The following TRIM33 variants were observed in gnomAD, a reference collection of about 807,000 sequenced individuals.
The protein encoded by TRIM33 is E3 ubiquitin-protein ligase TRIM33.
Under a neutral mutation model 125.4 loss-of-function variants are expected in TRIM33, and 20 were observed. The ratio of observed to expected loss-of-function variants is 0.16; its 90% CI spans 0.11 to 0.23. The LOEUF is 0.23. TRIM33 is among the 10% of genes least tolerant of loss of function. The pLI, the probability that TRIM33 is intolerant of heterozygous loss-of-function variation, is 1.00. For missense variants in TRIM33, 920 were observed against 1,411.4 expected, an observed-to-expected ratio of 0.65 and a Z score of 5.58; for synonymous variants, 564 against 513.9, an observed-to-expected ratio of 1.10 and a Z score of -1.32.
At chr1:114,499,809 C>A (rs1166425748) in intron 1 of TRIM33, among the ~76,000 whole-genome samples, 2 of 152,088 alleles carry the variant, frequency 1.3e-5, no homozygotes, top group African/African-American at 2.4e-5. Flanking sequence ...AATAAGACAT[C>A]AAGAACATCA....
chr1:114,435,348 A>G (rs892435692), intron 4 of TRIM33, among the ~76,000 whole-genome samples: 5 of 152,342 alleles, frequency 3.3e-5, no homozygotes, highest in African/African-American at 9.6e-5. Flanking sequence ...GGCAAGGTCC[A>G]TGGTACAACC....
chr1:114,406,833 C>A, intron 14 of TRIM33, 108 bp downstream of exon 14: 1 of 1,144,554 alleles, frequency 8.7e-7, no homozygotes, highest in South Asian at 2.0e-5. Flanking sequence ...CATGAAATTT[C>A]AAAAATAAAT....
At chr1:114,461,856 T>G (rs1293866945) in intron 4 of TRIM33, among the ~76,000 whole-genome samples, 1 of 152,200 alleles carries the variant, frequency 6.6e-6, no homozygotes, top group East Asian at 1.9e-4. Flanking sequence ...AGTTATAGGT[T>G]AAGACATTTC....
At chr1:114,455,068 G>C (rs910045926) in intron 4 of TRIM33, among the ~76,000 whole-genome samples, 1 of 152,134 alleles carries the variant, frequency 6.6e-6, no homozygotes. Flanking sequence ...TAATGCTGTA[G>C]AATGGAAGAG....
At chr1:114,503,951 T>G (rs2336578) in intron 1 of TRIM33, among the ~76,000 whole-genome samples, 151,721 of 152,306 alleles carry the variant, frequency 1, 75,572 homozygotes, top group East Asian at 1. Context: ...TTCCACTTTC[T>G]TCCGCAGCAG....
At chr1:114,466,301 A>G (rs1208103463) in intron 1 of TRIM33, among the ~76,000 whole-genome samples, 1 of 152,202 alleles carries the variant, frequency 6.6e-6, no homozygotes, top group African/African-American at 2.4e-5. Flanking sequence ...ATTTTCACCA[A>G]AAAGATAACA....
intron 4 of TRIM33, among the ~76,000 whole-genome samples, chr1:114,436,251 A>C (rs967873382): frequency 2.0e-5 from 3 of 151,436 alleles, no homozygotes; most frequent in Non-Finnish European, 4.4e-5. Context: ...AATACAAAAA[A>C]ATTAGCCCGG....
chr1:114,485,567 A>T (rs1204368550), intron 1 of TRIM33, among the ~76,000 whole-genome samples: 1 of 152,124 alleles, frequency 6.6e-6, no homozygotes, highest in Non-Finnish European at 1.5e-5. Flanking sequence ...TTAAACCCTA[A>T]ATCAGAGGTG....
At chr1:114,491,045 G>A (rs576780219) in intron 1 of TRIM33, among the ~76,000 whole-genome samples, 2 of 152,178 alleles carry the variant, frequency 1.3e-5, no homozygotes, top group Non-Finnish European at 2.9e-5. Context: ...CTAATTGGTA[G>A]AGGGTTTCTT....
intron 4 of TRIM33, among the ~76,000 whole-genome samples, chr1:114,439,279 CTGACCAACATGGTGAAACCCCG>C (rs138426774): frequency 0.012 from 1,804 of 152,036 alleles, 22 homozygotes; most frequent in South Asian, 0.041. Context: ...TGAGACCAGC[CTGACCAACATGGTGAAACCCCG>C]TCTCTACTAA....
intron 11 of TRIM33, among the ~76,000 whole-genome samples, chr1:114,413,611 G>T (rs920411223): frequency 2.4e-5 from 1 of 40,830 alleles, no homozygotes; most frequent in East Asian, 5.7e-4. Context: ...AAAAGAAAAA[G>T]TCCAAAAGCA....
chr1:114,472,526 AGTTT>A (rs1259111835), intron 1 of TRIM33, among the ~76,000 whole-genome samples: 1 of 152,178 alleles, frequency 6.6e-6, no homozygotes, highest in African/African-American at 2.4e-5. Flanking sequence ...TCAGTCTAGG[AGTTT>A]GAGATCAGCC....
intron 1 of TRIM33, among the ~76,000 whole-genome samples, chr1:114,508,982 A>T (rs952178912): frequency 6.6e-6 from 1 of 152,088 alleles, no homozygotes; most frequent in Non-Finnish European, 1.5e-5. Flanking sequence ...GTTCCCCCAA[A>T]CCAAAATGCT....
At chr1:114,481,910 C>T (rs1651383754) in intron 1 of TRIM33, among the ~76,000 whole-genome samples, 1 of 151,932 alleles carries the variant, frequency 6.6e-6, no homozygotes, top group Non-Finnish European at 1.5e-5. Flanking sequence ...AGATGTGCGC[C>T]ACCATGCCCA....
At position 114,463,566 on chromosome 1, in the gene TRIM33, G is replaced by T; in HGVS notation, c.646-10C>A. ...CACAACTAGTACATACCTAAAAGAA[G>T]AAATAAGCACTAATCTAAATTAAAT... is the stretch of plus-strand genomic sequence containing the variant. On this transcript the variant is annotated splice_polypyrimidine_tract_variant and intron_variant, in intron 2 of 19. Transcript: ENST00000358465. 1.3e-6 allele frequency: 2 copies of T among 1,495,810 alleles called. No homozygotes were observed. Among genetic ancestry groups the T allele is most frequent in the Non-Finnish European group, 9.0e-7 (1 of 1,105,484 alleles). 92.7% of individuals were successfully genotyped at this position (1,495,810 alleles called of 1,614,324 possible).
intron 4 of TRIM33, chr1:114,460,181 G>A (rs1649878376): frequency 5.0e-6 from 1 of 198,356 alleles, no homozygotes; most frequent in South Asian, 1.0e-4. Context: ...CTGAACAGGT[G>A]CCATGGGAAA....
At chr1:114,491,570 A>G (rs1652065941) in intron 1 of TRIM33, among the ~76,000 whole-genome samples, 1 of 152,160 alleles carries the variant, frequency 6.6e-6, no homozygotes, top group African/African-American at 2.4e-5. Context: ...GGGAGGCTAA[A>G]GTAGGTAGAT....
chr1:114,418,297 C>G (rs1653060932), intron 11 of TRIM33, among the ~76,000 whole-genome samples: 1 of 152,152 alleles, frequency 6.6e-6, no homozygotes, highest in Non-Finnish European at 1.5e-5. Context: ...TTCCCTCGAC[C>G]AGTAGGGATT....
Position 114,398,687 on chromosome 1 carries a change from A to G in TRIM33, c.3121-697T>C, listed in dbSNP as rs565264271. On this transcript the variant is annotated intron_variant, in intron 18 of 19. Coordinates refer to ENST00000358465, the MANE Select transcript of TRIM33 (RefSeq NM_015906.4). ...TGTGATTTATTTTAGTAATAATCAT[A>G]TGGCACCCAAATTACACCAGCAATA... Among the ~76,000 whole-genome samples, 5 of 152,192 alleles carry G rather than the reference A, an allele frequency of 3.3e-5. No homozygotes were observed. The South Asian group carries it at 1.0e-3, about 32-fold the overall frequency.
Sources: gnomAD v4.1 joint callset for allele counts (sites outside exome capture counted in the v4.1 genomes callset) on GRCh38, gnomAD v4.1.1 for gene constraint, MANE v1.5 for transcripts, NCBI Gene and HGNC (gene_info 2026-07-23, HGNC 2026-07-21) for gene names.